The following KCNQ5 variants were observed in gnomAD, a reference collection of about 807,000 sequenced individuals.
The protein encoded by KCNQ5 is potassium voltage-gated channel subfamily KQT member 5.
KCNQ5 carries 30 observed loss-of-function variants against 98.2 expected under a neutral mutation model. That is an observed-to-expected ratio of 0.31 (90% confidence interval 0.23 to 0.41). The LOEUF (loss-of-function observed/expected upper bound fraction) is 0.41. Ranked by LOEUF, KCNQ5 falls within the 10% of genes least tolerant of loss-of-function variation. The pLI, the probability that KCNQ5 is intolerant of heterozygous loss-of-function variation, is 1.00. For missense variants in KCNQ5, 835 were observed against 1,182.5 expected (o/e 0.71, Z 4.31); for synonymous variants, 458 against 449.4 (o/e 1.02, Z -0.24).
intron 2 of KCNQ5, 49 bp downstream of exon 2, chr6:73,004,047 C>T (rs1254979356): frequency 2.8e-6 from 3 of 1,063,674 alleles, no homozygotes; most frequent in Non-Finnish European, 2.9e-6. Context: ...ATAAGAACTG[C>T]CTATAACATT....
chr6:73,098,631 T>C (rs1204080574), intron 5 of KCNQ5, among the ~76,000 whole-genome samples: 4 of 152,106 alleles, frequency 2.6e-5, no homozygotes, highest in Non-Finnish European at 4.4e-5. Flanking sequence ...AAAAATATTT[T>C]ATCCTTGAAT....
At chr6:72,671,933 C>T (rs572407673) in intron 1 of KCNQ5, among the ~76,000 whole-genome samples, 54 of 152,172 alleles carry the variant, frequency 3.5e-4, no homozygotes, top group Non-Finnish European at 4.3e-4. Flanking sequence ...TCTCCTGCCT[C>T]AGCCTCCCAA....
intron 1 of KCNQ5, among the ~76,000 whole-genome samples, chr6:72,664,382 G>A (rs559908708): frequency 1.4e-4 from 22 of 152,182 alleles, no homozygotes; most frequent in African/African-American, 4.1e-4. Context: ...GGCCGGGTGC[G>A]GTGGCTCATC....
chr6:72,734,082 A>G (rs1582190568), intron 1 of KCNQ5, among the ~76,000 whole-genome samples: 1 of 152,316 alleles, frequency 6.6e-6, no homozygotes, highest in East Asian at 1.9e-4. Context: ...AAAGACCAAC[A>G]TGGTTAATTG....
chr6:73,168,767 ATTACT>A (rs1398017556), intron 10 of KCNQ5, among the ~76,000 whole-genome samples: 1 of 152,148 alleles, frequency 6.6e-6, no homozygotes, highest in Non-Finnish European at 1.5e-5. Flanking sequence ...GAGCATTTTT[ATTACT>A]TTACTTTGTA....
chr6:73,153,700 A>T (rs1372486920), intron 10 of KCNQ5, among the ~76,000 whole-genome samples: 2 of 152,114 alleles, frequency 1.3e-5, no homozygotes, highest in East Asian at 3.8e-4. Flanking sequence ...GAAAAAAAAA[A>T]GGTAAGCTAC....
At chr6:73,132,288 C>T (rs1045001733) in intron 9 of KCNQ5, among the ~76,000 whole-genome samples, 1 of 152,120 alleles carries the variant, frequency 6.6e-6, no homozygotes, top group Admixed American at 6.5e-5. Flanking sequence ...AGAGACTTCC[C>T]TCAGACTCAT....
chr6:73,033,789 C>T (rs1199739024), intron 2 of KCNQ5, among the ~76,000 whole-genome samples: 1 of 150,536 alleles, frequency 6.6e-6, no homozygotes, highest in East Asian at 2.0e-4. Context: ...GCTCTCACAA[C>T]CACCTCTGTG....
rs201796531 is a variant in KCNQ5, at chr6:72,622,478, A to C, written c.289A>C (p.Thr97Pro). ...MSLLGKPLSY[T>P]SSQSCRRNVK... Reference sequence around the variant, plus strand: ...CCTGCTGGGGAAGCCGCTCTCTTACACGAGTAGCCAGAGCTGCCGGCGCAA... The same window carrying C: ...CCTGCTGGGGAAGCCGCTCTCTTACCCGAGTAGCCAGAGCTGCCGGCGCAA... Residue 97 changes from threonine to proline, a missense_variant, in exon 1 of 14, where the codon ACG becomes CCG. By Grantham distance (38) the Thr-to-Pro change is conservative. Around this residue, in one of 10 missense-constraint regions of KCNQ5, gnomAD observed 54 missense variants for 51.5 expected, o/e 1.05. Coordinates refer to ENST00000370398, the MANE Select transcript of KCNQ5 (RefSeq NM_019842.4). This position sits in a 1 kb window ranked among gnomAD's most constrained non-coding sequence, Gnocchi z 6.0. 8 of 1,606,286 alleles carry C rather than the reference A, an allele frequency of 5.0e-6. No individual in the cohort carries two copies. The highest frequency in any genetic ancestry group is 6.8e-6 in the Non-Finnish European group (8 of 1,176,774).
chr6:73,139,819 C>T (rs1243037362), intron 10 of KCNQ5, among the ~76,000 whole-genome samples: 1 of 152,206 alleles, frequency 6.6e-6, no homozygotes. Flanking sequence ...TTCCTCTCCA[C>T]CTCCTCAGCA....
chr6:72,979,012 C>A (rs1562106698), intron 1 of KCNQ5, among the ~76,000 whole-genome samples: 2 of 152,122 alleles, frequency 1.3e-5, no homozygotes, highest in Non-Finnish European at 2.9e-5. Context: ...TGAACTCAAC[C>A]TTTTTTATGG....
At chr6:72,699,396 T>C (rs1768681130) in intron 1 of KCNQ5, among the ~76,000 whole-genome samples, 1 of 152,198 alleles carries the variant, frequency 6.6e-6, no homozygotes, top group African/African-American at 2.4e-5. Context: ...CACAAATTGC[T>C]CCAATGACCA....
chr6:73,028,388 T>C (rs1362048991), intron 2 of KCNQ5, among the ~76,000 whole-genome samples: 1 of 152,182 alleles, frequency 6.6e-6, no homozygotes, highest in Non-Finnish European at 1.5e-5. Flanking sequence ...GTTGTTTCCT[T>C]TACAGCTTAG....
chr6:73,022,620 T>A (rs560078113), intron 2 of KCNQ5, among the ~76,000 whole-genome samples: 36 of 151,988 alleles, frequency 2.4e-4, no homozygotes, highest in African/African-American at 8.7e-4. Flanking sequence ...GAAAAAAAAA[T>A]GCATTAACCA....
chr6:72,634,461 A>G (rs888516298), intron 1 of KCNQ5, among the ~76,000 whole-genome samples: 1 of 152,120 alleles, frequency 6.6e-6, no homozygotes, highest in Non-Finnish European at 1.5e-5. Context: ...AATTCTTTGC[A>G]AATAGTTTGT....
intron 1 of KCNQ5, among the ~76,000 whole-genome samples, chr6:72,673,052 A>T (rs1341456093): frequency 1.3e-5 from 2 of 152,330 alleles, no homozygotes; most frequent in African/African-American, 4.8e-5. Context: ...ATAACTTTCC[A>T]GTAGTGAGGT....
At chr6:72,990,256 C>T in intron 1 of KCNQ5, among the ~76,000 whole-genome samples, 1 of 89,552 alleles carries the variant, frequency 1.1e-5, no homozygotes, top group Non-Finnish European at 2.2e-5. Context: ...GCAGTGTGGC[C>T]ATTTTCACGA....
Position 73,042,071 on chromosome 6 carries a change from CAG to C in KCNQ5, c.616+12_616+13del. The stretch of plus-strand genomic sequence containing the variant: ...GCCCTTCTGTGTTATAGGTGAATAT[CAG>C]AGTCTCAGATACCTGGACTATGACA... On this transcript the variant is annotated intron_variant, in intron 3 of 13. Transcript: ENST00000370398. The C allele has an allele frequency of 6.2e-7, 1 of 1,613,686 alleles. No homozygotes were observed. The highest frequency in any genetic ancestry group is 8.5e-7 in the Non-Finnish European group (1 of 1,179,620).
intron 1 of KCNQ5, among the ~76,000 whole-genome samples, chr6:72,893,807 A>G (rs1333517326): frequency 6.6e-6 from 1 of 152,184 alleles, no homozygotes; most frequent in African/African-American, 2.4e-5. Flanking sequence ...AGTGCTTGGT[A>G]CAATCACAAT....
Sources: allele counts gnomAD v4.1 joint callset (sites outside exome capture counted in the v4.1 genomes callset), GRCh38; gene constraint gnomAD v4.1.1; regional missense constraint gnomAD v4.1.1; non-coding constraint Gnocchi (gnomAD v3.1); transcripts MANE v1.5; gene names NCBI Gene and HGNC (gene_info 2026-07-23, HGNC 2026-07-21).